The following TBC1D5 variants were observed in gnomAD, a reference collection of about 807,000 sequenced individuals.
TBC1D5 encodes TBC1 domain family member 5.
In TBC1D5, 75 loss-of-function variants were observed where a neutral mutation model predicts 100.3. The ratio of observed to expected loss-of-function variants is 0.75; its 90% CI spans 0.62 to 0.91. The LOEUF is 0.91. Among genes scored for constraint, TBC1D5 ranks in the 40% least tolerant of loss-of-function variants. TBC1D5 has a pLI of 0.00. For missense variants in TBC1D5, 910 were observed against 942.4 expected, an observed-to-expected ratio of 0.97 and a Z score of 0.45; for synonymous variants, 323 against 325.6, an observed-to-expected ratio of 0.99 and a Z score of 0.09.
chr3:17,179,781 T>C (rs545728559), intron 19 of TBC1D5, among the ~76,000 whole-genome samples: 2 of 152,350 alleles, frequency 1.3e-5, no homozygotes, highest in African/African-American at 2.4e-5. Flanking sequence ...TTTAACCATC[T>C]AATTATCTGT....
chr3:17,493,413 T>C (rs1006660456), intron 3 of TBC1D5, among the ~76,000 whole-genome samples: 9 of 152,098 alleles, frequency 5.9e-5, no homozygotes, highest in African/African-American at 1.9e-4. Flanking sequence ...GATGATTATG[T>C]CTTGGGGTTG....
chr3:17,209,214 C>A (rs1575975846), intron 18 of TBC1D5, among the ~76,000 whole-genome samples: 1 of 152,356 alleles, frequency 6.6e-6, no homozygotes, highest in East Asian at 1.9e-4. Flanking sequence ...GTGGCACAGT[C>A]ACTGCTCACG....
At chr3:17,721,961 G>A (rs779521542) in intron 1 of TBC1D5, among the ~76,000 whole-genome samples, 9 of 152,158 alleles carry the variant, frequency 5.9e-5, no homozygotes, top group East Asian at 1.9e-4. Flanking sequence ...CAGCCTGGGC[G>A]ACAGAGCAAG....
At chr3:17,675,500 T>C (rs1389283869) in intron 1 of TBC1D5, among the ~76,000 whole-genome samples, 4 of 152,140 alleles carry the variant, frequency 2.6e-5, no homozygotes, top group African/African-American at 4.8e-5. Flanking sequence ...TGAGTATCTC[T>C]TCAACTTCAC....
chr3:17,592,954 C>A lies in TBC1D5; in HGVS notation c.-36+30895G>T, dbSNP rs114334746. ...TGCTACCTGAACTGCCTATTGTGAA[C>A]TGGGTGCTTTCTGACTCATCTAGCC... On this transcript the variant is annotated intron_variant, in intron 2 of 21. Transcript: ENST00000253692. 6.4e-4 allele frequency among the ~76,000 whole-genome samples: 97 copies of A among 152,282 alleles called. No individual in the cohort carries two copies. The South Asian group carries it at 0.015, about 24-fold the overall frequency.
chr3:17,348,607 C>T lies in TBC1D5; in HGVS notation c.995+23468G>A, dbSNP rs114725991. Among the ~76,000 whole-genome samples the T allele has an allele frequency of 3.4e-3, 516 of 152,276 alleles. 2 individuals are homozygous for T. Among genetic ancestry groups the T allele is most frequent in the African/African-American group, 0.012 (502 of 41,550 alleles). ...TTCTGATTTCTCTTGCCACTTTCCA[C>T]TTTAGACTCAATTTCATTCATGGGG... On this transcript the variant is annotated intron_variant, in intron 13 of 21. Coordinates refer to ENST00000253692, the Ensembl canonical transcript of TBC1D5.
chr3:17,494,556 C>A (rs555332289), intron 3 of TBC1D5, among the ~76,000 whole-genome samples: 1 of 152,344 alleles, frequency 6.6e-6, no homozygotes, highest in South Asian at 2.1e-4. Flanking sequence ...CTGCCCCTCC[C>A]ACCAGGGGCT....
chr3:17,254,178 A>G lies in TBC1D5; in HGVS notation c.1331+4328T>C, dbSNP rs142627416. 4.9e-4 allele frequency among the ~76,000 whole-genome samples: 75 copies of G among 152,272 alleles called. 2 individuals are homozygous for G. The highest frequency in any genetic ancestry group is 3.4e-3 in the Middle Eastern group (1 of 294). Reference sequence around the variant, plus strand: ...AGGCTGCTGTGAATATTCTGTTTCAATGTTGTTTGTTGTGGCTTTTGGATA... The same window carrying G: ...AGGCTGCTGTGAATATTCTGTTTCAGTGTTGTTTGTTGTGGCTTTTGGATA... On this transcript the variant is annotated intron_variant, in intron 16 of 21. Transcript: ENST00000253692.
At chr3:17,320,637 C>T (rs1283086112) in intron 13 of TBC1D5, among the ~76,000 whole-genome samples, 1 of 152,168 alleles carries the variant, frequency 6.6e-6, no homozygotes, top group Non-Finnish European at 1.5e-5. Flanking sequence ...AATAACATAA[C>T]ACTCATCATT....
At chr3:17,471,246 G>A (rs942134084) in intron 3 of TBC1D5, among the ~76,000 whole-genome samples, 1 of 152,108 alleles carries the variant, frequency 6.6e-6, no homozygotes, top group African/African-American at 2.4e-5. Context: ...CTCTTCTTTT[G>A]ACCTATACGT....
Position 17,351,382 on chromosome 3 carries a change from C to A in TBC1D5, c.995+20693G>T, listed in dbSNP as rs367613805. Among the ~76,000 whole-genome samples the A allele has an allele frequency of 1.1e-4, 17 of 152,148 alleles. No homozygotes were observed. In the South Asian group the frequency reaches 2.5e-3, roughly 22 times the overall value. The stretch of plus-strand genomic sequence containing the variant: ...AAGGAAATGTGGCACATATACACCA[C>A]GGAATACTATGCAGCCATAAAAAAG... On this transcript the variant is annotated intron_variant, in intron 13 of 21. Coordinates refer to ENST00000253692, the Ensembl canonical transcript of TBC1D5.
chr3:17,391,875 C>CAG (rs1417389314), intron 8 of TBC1D5, among the ~76,000 whole-genome samples: 3 of 151,996 alleles, frequency 2.0e-5, no homozygotes, highest in African/African-American at 7.2e-5. Flanking sequence ...GATATCCAGG[C>CAG]AGAGTACTGA....
chr3:17,199,079 A>G (rs2071109943), intron 18 of TBC1D5, among the ~76,000 whole-genome samples: 1 of 152,252 alleles, frequency 6.6e-6, no homozygotes, highest in African/African-American at 2.4e-5. Flanking sequence ...AACGTTTTAT[A>G]GTTAGTCCAT....
chr3:17,741,759 G>C (rs1190222969), upstream of TBC1D5, among the ~76,000 whole-genome samples: 3 of 148,676 alleles, frequency 2.0e-5, no homozygotes, highest in African/African-American at 5.0e-5. Flanking sequence ...TGTTTTTCCA[G>C]GAAAAGTCGG....
At chr3:17,323,599 A>C (rs2085710224) in intron 13 of TBC1D5, among the ~76,000 whole-genome samples, 1 of 152,300 alleles carries the variant, frequency 6.6e-6, no homozygotes, top group Non-Finnish European at 1.5e-5. Flanking sequence ...TTTATAATAA[A>C]CCCCATAAAA....
intron 2 of TBC1D5, among the ~76,000 whole-genome samples, chr3:17,553,815 G>A (rs944798720): frequency 2.6e-5 from 4 of 152,082 alleles, no homozygotes; most frequent in African/African-American, 9.7e-5. Flanking sequence ...GTCCCCTTGC[G>A]GGTTCAGATA....
At chr3:17,646,536 G>A (rs1426041465) in intron 1 of TBC1D5, among the ~76,000 whole-genome samples, 1 of 151,970 alleles carries the variant, frequency 6.6e-6, no homozygotes, top group African/African-American at 2.4e-5. Context: ...AATTACTGAG[G>A]CCTGCTCCCT....
chr3:17,379,838 T>C (rs959427311), intron 9 of TBC1D5, among the ~76,000 whole-genome samples: 6 of 152,062 alleles, frequency 3.9e-5, no homozygotes, highest in African/African-American at 1.4e-4. Flanking sequence ...AGAACAATTA[T>C]AACAATATAG....
At chr3:17,177,359 C>A (rs1285967066) in intron 19 of TBC1D5, among the ~76,000 whole-genome samples, 1 of 152,002 alleles carries the variant, frequency 6.6e-6, no homozygotes, top group African/African-American at 2.4e-5. Flanking sequence ...GCAAGTCTTC[C>A]AATAATAAAA....
Sources: allele counts gnomAD v4.1 joint callset (sites outside exome capture counted in the v4.1 genomes callset), GRCh38; gene constraint gnomAD v4.1.1; transcripts MANE v1.5; gene names NCBI Gene and HGNC (gene_info 2026-07-23, HGNC 2026-07-21).